The following PTPRG variants were observed in gnomAD, a reference collection of about 807,000 sequenced individuals.
The protein encoded by PTPRG is protein tyrosine phosphatase receptor type G, also known as receptor-type tyrosine-protein phosphatase gamma.
In PTPRG, 102 loss-of-function variants were observed where a neutral mutation model predicts 165.3. That is an observed-to-expected ratio of 0.62 (90% CI 0.53 to 0.73). The LOEUF (loss-of-function observed/expected upper bound fraction) is 0.73. Among genes scored for constraint, PTPRG ranks in the 30% least tolerant of loss-of-function variants. The pLI, the probability that PTPRG is intolerant of heterozygous loss-of-function variation, is 0.00. For missense variants in PTPRG, 1,866 were observed against 1,861.4 expected, an observed-to-expected ratio of 1.00 and a Z score of -0.05; for synonymous variants, 675 against 669.5, an observed-to-expected ratio of 1.01 and a Z score of -0.13.
chr3:61,770,985 TTCTTCTGGC>T (rs1396049411), intron 2 of PTPRG: 1 of 152,190 alleles, frequency 6.6e-6, no homozygotes, highest in African/African-American at 2.4e-5. Flanking sequence ...GAGTTATCCT[TTCTTCTGGC>T]TCTTGTTTCC....
At chr3:61,604,844 T>G (rs1389863351) in intron 1 of PTPRG, among the ~76,000 whole-genome samples, 5 of 152,164 alleles carry the variant, frequency 3.3e-5, no homozygotes, top group Admixed American at 1.3e-4. Flanking sequence ...TAAAACTCCT[T>G]GTAGATTCAG....
rs567572503 is a variant in PTPRG at position 61,970,036 on chromosome 3, A to G, written c.191-19589A>G. On this transcript the variant is annotated intron_variant, in intron 2 of 29. Coordinates refer to ENST00000474889, the MANE Select transcript of PTPRG (RefSeq NM_002841.4). ...AATCTTCAGCCATAGATAGATTCCT[A>G]TCACTCCTTTTTAGCACAAATAATT... Among the ~76,000 whole-genome samples the G allele has an allele frequency of 6.6e-5, 10 of 152,356 alleles. No homozygotes were observed. The East Asian group carries it at 1.2e-3, about 18-fold the overall frequency.
intron 2 of PTPRG, among the ~76,000 whole-genome samples, chr3:61,868,144 C>G (rs1424438125): frequency 6.6e-6 from 1 of 152,098 alleles, no homozygotes; most frequent in African/African-American, 2.4e-5. Context: ...GTCTTGAGAC[C>G]CAGTTATGTG....
At chr3:61,562,546 G>T (rs529673668) in intron 1 of PTPRG, among the ~76,000 whole-genome samples, 174 bp downstream of exon 1, 1 of 151,940 alleles carries the variant, frequency 6.6e-6, no homozygotes, top group Admixed American at 6.5e-5. Flanking sequence ...ATGATGTTTA[G>T]GGAGGCAGGC....
chr3:62,287,662 T>A (rs1259736622), intron 28 of PTPRG, among the ~76,000 whole-genome samples: 1 of 151,852 alleles, frequency 6.6e-6, no homozygotes, highest in Non-Finnish European at 1.5e-5. Flanking sequence ...ACAGCTGAGG[T>A]TTTCTAAAAA....
chr3:61,691,455 T>C (rs928289283), intron 1 of PTPRG, among the ~76,000 whole-genome samples: 9 of 152,256 alleles, frequency 5.9e-5, no homozygotes, highest in South Asian at 2.1e-4. Flanking sequence ...TGGAGTGTGA[T>C]CCTATTTGTG....
At chr3:61,709,243 C>G (rs1335234862) in intron 1 of PTPRG, among the ~76,000 whole-genome samples, 3 of 152,194 alleles carry the variant, frequency 2.0e-5, no homozygotes, top group African/African-American at 7.2e-5. Context: ...ACCCAAAACT[C>G]TTGGCCATAT....
rs2034755494 is a variant in PTPRG at position 61,787,844 on chromosome 3, A to G, written c.190+38862A>G. On this transcript the variant is annotated intron_variant, in intron 2 of 29. Coordinates refer to ENST00000474889, the MANE Select transcript of PTPRG (RefSeq NM_002841.4). The stretch of plus-strand genomic sequence containing the variant: ...AGACATTTGTGAACATGACGGCTTT[A>G]GTGATACCCCTCGTTACCCAGTGGA... 4.0e-5 allele frequency among the ~76,000 whole-genome samples: 6 copies of G among 151,882 alleles called. No individual in the cohort carries two copies. In the South Asian group the frequency reaches 1.2e-3, roughly 32 times the overall value.
At chr3:61,910,541 C>T (rs766605646) in intron 2 of PTPRG, among the ~76,000 whole-genome samples, 1 of 152,130 alleles carries the variant, frequency 6.6e-6, no homozygotes, top group African/African-American at 2.4e-5. Context: ...ATTGCCTGTT[C>T]CAATTTGTTC....
chr3:62,012,597 T>G (rs1267227001), intron 4 of PTPRG, among the ~76,000 whole-genome samples: 2 of 152,338 alleles, frequency 1.3e-5, no homozygotes, highest in South Asian at 4.1e-4. Context: ...AGGTAATTTT[T>G]TATAAGTTTT....
intron 14 of PTPRG, among the ~76,000 whole-genome samples, chr3:62,236,578 A>C (rs1312392464): frequency 6.6e-6 from 1 of 152,206 alleles, no homozygotes; most frequent in Non-Finnish European, 1.5e-5. Context: ...AATATTCAGC[A>C]GCAGCTCAGC....
chr3:61,609,910 T>TTC (rs1234413933), intron 1 of PTPRG, among the ~76,000 whole-genome samples: 6 of 151,920 alleles, frequency 3.9e-5, no homozygotes, highest in Non-Finnish European at 7.4e-5. Flanking sequence ...CAGATTATTC[T>TTC]TTCCAACTTT....
At chr3:61,808,985 A>T (rs1380517245) in intron 2 of PTPRG, among the ~76,000 whole-genome samples, 1 of 149,142 alleles carries the variant, frequency 6.7e-6, no homozygotes, top group Non-Finnish European at 1.5e-5. Flanking sequence ...GCTATCTAGT[A>T]GGCTTGTGAC....
At chr3:62,014,155 G>T (rs1274688852) in intron 4 of PTPRG, among the ~76,000 whole-genome samples, 3 of 152,166 alleles carry the variant, frequency 2.0e-5, no homozygotes, top group Non-Finnish European at 4.4e-5. Context: ...ATAAGGAATA[G>T]AAGGGAGTCA....
At chr3:61,768,816 G>T (rs928555702) in intron 2 of PTPRG, among the ~76,000 whole-genome samples, 4 of 152,066 alleles carry the variant, frequency 2.6e-5, no homozygotes, top group African/African-American at 9.7e-5. Flanking sequence ...GAGGAGAAAG[G>T]TTGATTCTCC....
At position 61,639,485 on chromosome 3, in the gene PTPRG, G is replaced by T. The variant is rs528137857; in HGVS notation, c.85+77113G>T. Among the ~76,000 whole-genome samples the T allele has an allele frequency of 5.9e-5, 9 of 152,264 alleles. No homozygotes were observed. The East Asian group carries it at 1.2e-3, about 20-fold the overall frequency. ...GTTTGATAGGAATAGTGTTAAATCT[G>T]TACATTGCTTTGGGCAATATGGTTG... On this transcript the variant is annotated intron_variant, in intron 1 of 29. Coordinates refer to ENST00000474889, the MANE Select transcript of PTPRG (RefSeq NM_002841.4).
At chr3:61,605,826 A>G (rs753155040) in intron 1 of PTPRG, among the ~76,000 whole-genome samples, 10 of 151,980 alleles carry the variant, frequency 6.6e-5, no homozygotes, top group Non-Finnish European at 1.3e-4. Context: ...CTCCTGCCTC[A>G]CTTCTCAAAG....
At chr3:61,686,559 T>G (rs1430163351) in intron 1 of PTPRG, among the ~76,000 whole-genome samples, 1 of 152,240 alleles carries the variant, frequency 6.6e-6, no homozygotes, top group Non-Finnish European at 1.5e-5. Flanking sequence ...GCCCCACAGA[T>G]GTACTTGGCC....
At chr3:62,014,931 G>C (rs890376625) in intron 4 of PTPRG, among the ~76,000 whole-genome samples, 12 of 152,180 alleles carry the variant, frequency 7.9e-5, no homozygotes, top group African/African-American at 2.9e-4. Flanking sequence ...CTTCCTCTTA[G>C]AGCTTGATAA....
Sources: allele counts gnomAD v4.1 joint callset (sites outside exome capture counted in the v4.1 genomes callset), GRCh38; gene constraint gnomAD v4.1.1; transcripts MANE v1.5; gene names NCBI Gene and HGNC (gene_info 2026-07-23, HGNC 2026-07-21).